Variants in CTNNA3 observed in about 807,000 individuals in gnomAD.
The protein encoded by CTNNA3 is catenin alpha 3.
Under a neutral mutation model 95.7 loss-of-function variants are expected in CTNNA3, and 76 were observed. The ratio of observed to expected loss-of-function variants is 0.79; its 90% CI spans 0.66 to 0.96. The LOEUF (loss-of-function observed/expected upper bound fraction) is 0.96. Among genes scored for constraint, CTNNA3 ranks in the 40% least tolerant of loss-of-function variants. The probability of loss-of-function intolerance (pLI) is 0.00; values close to 1 mark genes in which losing one functional copy is unlikely to be tolerated. For missense variants in CTNNA3, 1,191 were observed against 1,089.8 expected, an observed-to-expected ratio of 1.09 and a Z score of -1.31; for synonymous variants, 431 against 374.4, an observed-to-expected ratio of 1.15 and a Z score of -1.74.
chr10:66,232,779 T>C (rs967038555), intron 13 of CTNNA3, among the ~76,000 whole-genome samples: 1 of 152,176 alleles, frequency 6.6e-6, no homozygotes, highest in Non-Finnish European at 1.5e-5. Context: ...AAAAGATGAT[T>C]GATTTGATAA....
At chr10:66,612,688 G>T (rs752604029) in intron 10 of CTNNA3, among the ~76,000 whole-genome samples, 2 of 152,112 alleles carry the variant, frequency 1.3e-5, no homozygotes, top group African/African-American at 2.4e-5. Flanking sequence ...ATCCAAGGGT[G>T]CCTCCTGTAA....
At chr10:66,045,104 A>G (rs1158352324) in intron 15 of CTNNA3, among the ~76,000 whole-genome samples, 2 of 152,218 alleles carry the variant, frequency 1.3e-5, no homozygotes, top group East Asian at 1.9e-4. Context: ...GGAAGATTCA[A>G]TGACAGAGAT....
intron 11 of CTNNA3, among the ~76,000 whole-genome samples, chr10:66,445,456 A>G (rs2093412828): frequency 6.6e-6 from 1 of 152,162 alleles, no homozygotes; most frequent in African/African-American, 2.4e-5. Context: ...AAAAGAACAG[A>G]AATTATAACA....
intron 6 of CTNNA3, among the ~76,000 whole-genome samples, chr10:67,186,049 A>T (rs954126343): frequency 6.6e-6 from 1 of 151,702 alleles, no homozygotes; most frequent in Non-Finnish European, 1.5e-5. Flanking sequence ...AAAAAAAATT[A>T]AACCATTTAA....
chr10:67,503,412 C>A (rs1289638853), intron 5 of CTNNA3, among the ~76,000 whole-genome samples: 1 of 152,154 alleles, frequency 6.6e-6, no homozygotes, highest in Non-Finnish European at 1.5e-5. Flanking sequence ...TGTTCCTATT[C>A]GGCCCTCTTG....
chr10:67,477,307 AG>A (rs1285584318), intron 5 of CTNNA3, among the ~76,000 whole-genome samples: 2 of 152,020 alleles, frequency 1.3e-5, no homozygotes, highest in African/African-American at 4.8e-5. Flanking sequence ...GGAAACCTGT[AG>A]GTGGGCCTAC....
At chr10:67,465,234 T>G (rs1185558550) in intron 5 of CTNNA3, among the ~76,000 whole-genome samples, 1 of 152,128 alleles carries the variant, frequency 6.6e-6, no homozygotes, top group African/African-American at 2.4e-5. Flanking sequence ...AGAATTTTAT[T>G]TTTTTAAAGT....
chr10:66,199,806 T>TATGTATATATATA (rs1554887153), intron 13 of CTNNA3, among the ~76,000 whole-genome samples: 4 of 9,036 alleles, frequency 4.4e-4, no homozygotes, highest in Non-Finnish European at 7.3e-4. Context: ...TATATATATA[T>TATGTATATATATA]TTTTTTTTTT....
chr10:66,643,419 T>C (rs1845584261), intron 9 of CTNNA3, among the ~76,000 whole-genome samples: 1 of 152,150 alleles, frequency 6.6e-6, no homozygotes. Context: ...CCTGTCAACA[T>C]TTATTTTAGA....
intron 5 of CTNNA3, among the ~76,000 whole-genome samples, chr10:67,469,899 T>C (rs752213520): frequency 1.3e-5 from 2 of 152,196 alleles, no homozygotes; most frequent in Admixed American, 1.3e-4. Context: ...TCATGTAAAA[T>C]AGGGCATCCA....
intron 11 of CTNNA3, among the ~76,000 whole-genome samples, chr10:66,470,111 C>G (rs888650102): frequency 9.2e-5 from 14 of 151,652 alleles, no homozygotes; most frequent in African/African-American, 3.4e-4. Context: ...AAATCAGGAC[C>G]AGAGTAAGCT....
At chr10:67,736,706 C>T (rs1186451728) in intron 1 of CTNNA3, among the ~76,000 whole-genome samples, 5 of 151,972 alleles carry the variant, frequency 3.3e-5, no homozygotes, top group Admixed American at 2.0e-4. Flanking sequence ...CCACCCACCT[C>T]GGCCTCCCAA....
chr10:66,454,299 A>T (rs758107710), intron 11 of CTNNA3, among the ~76,000 whole-genome samples: 29 of 152,190 alleles, frequency 1.9e-4, no homozygotes, highest in Non-Finnish European at 3.7e-4. Flanking sequence ...GCAGCAATAA[A>T]ACTGAAAAGT....
At chr10:66,753,972 G>A (rs1460713916) in intron 9 of CTNNA3, among the ~76,000 whole-genome samples, 1 of 152,070 alleles carries the variant, frequency 6.6e-6, no homozygotes, top group Admixed American at 6.6e-5. Flanking sequence ...CTGATCTACA[G>A]ATTCAATGCA....
At chr10:67,107,929 G>C (rs1430631432) in intron 7 of CTNNA3, among the ~76,000 whole-genome samples, 1 of 152,222 alleles carries the variant, frequency 6.6e-6, no homozygotes, top group Non-Finnish European at 1.5e-5. Context: ...TGGCCTTGCG[G>C]AGAGTCCCTG....
chr10:66,844,567 C>T (rs892189589), intron 7 of CTNNA3, among the ~76,000 whole-genome samples: 1 of 152,186 alleles, frequency 6.6e-6, no homozygotes, highest in Non-Finnish European at 1.5e-5. Context: ...TGTAAAGGCT[C>T]TTCTTCACTC....
chr10:67,436,753 C>A (rs1846316262), intron 5 of CTNNA3, among the ~76,000 whole-genome samples: 1 of 152,102 alleles, frequency 6.6e-6, no homozygotes, highest in Admixed American at 6.6e-5. Flanking sequence ...CAGGGAAATG[C>A]AAATCAAAAC....
intron 5 of CTNNA3, among the ~76,000 whole-genome samples, chr10:67,309,776 CA>C (rs1360500413): frequency 1.3e-5 from 2 of 151,910 alleles, no homozygotes; most frequent in African/African-American, 4.8e-5. Context: ...CCAAATAGAA[CA>C]AAAAAATGAA....
At position 66,520,717 on chromosome 10, in the gene CTNNA3, G is replaced by T. The variant is rs774499271; in HGVS notation, c.1431C>A (p.Asn477Lys). Residue 477 changes from asparagine to lysine, a missense_variant, in exon 11 of 18, where the codon AAC becomes AAA. By Grantham distance (94) the Asn-to-Lys change is moderately conservative. Transcript: ENST00000433211. The stretch of plus-strand genomic sequence containing the variant: ...ATGTACGCTTGTACATTTCCATGGT[G>T]TTTTTGACCGCTTGACTTTTGGGTC... ...AARPKSQAVK[N>K]TMEMYKRTWE... The T allele has an allele frequency of 2.5e-6, 4 of 1,612,474 alleles. No individual in the cohort carries two copies. The highest frequency in any genetic ancestry group is 3.4e-6 in the Non-Finnish European group (4 of 1,179,206).
Sources: allele counts gnomAD v4.1 joint callset (sites outside exome capture counted in the v4.1 genomes callset), GRCh38; gene constraint gnomAD v4.1.1; transcripts MANE v1.5; gene names NCBI Gene and HGNC (gene_info 2026-07-23, HGNC 2026-07-21).